HMGCLL1: variants seen among roughly 807,000 people sequenced by gnomAD.
HMGCLL1 encodes 3-hydroxy-3-methylglutaryl-CoA lyase like 1, also known as 3-hydroxymethyl-3-methylglutaryl-CoA lyase, cytoplasmic.
A neutral mutation model predicts 39.1 loss-of-function variants in HMGCLL1; 36 were observed. The observed-to-expected ratio is 0.92, with a 90% CI of 0.71 to 1.22. HMGCLL1 has a LOEUF of 1.22. Ranked by LOEUF, HMGCLL1 falls within the 50% of genes most tolerant of loss-of-function variation. HMGCLL1 has a pLI of 0.00. For missense variants in HMGCLL1, 451 were observed against 416.5 expected, an observed-to-expected ratio of 1.08 and a Z score of -0.72; for synonymous variants, 149 against 144.0, an observed-to-expected ratio of 1.03 and a Z score of -0.25.
intron 5 of HMGCLL1, among the ~76,000 whole-genome samples, chr6:55,510,087 T>C (rs1581876045): frequency 1.3e-5 from 2 of 152,116 alleles, no homozygotes; most frequent in East Asian, 3.9e-4. Context: ...CACAGATAAA[T>C]ATTTTAAAGT....
chr6:55,610,898 A>G, the HMGCLL1 span, among the ~76,000 whole-genome samples: 1 of 152,314 alleles, frequency 6.6e-6, no homozygotes, highest in East Asian at 1.9e-4. Context: ...CTTAAAAAAA[A>G]GAATTTTTCA....
At chr6:55,623,035 A>C in the HMGCLL1 span, among the ~76,000 whole-genome samples, 1 of 151,864 alleles carries the variant, frequency 6.6e-6, no homozygotes, top group Non-Finnish European at 1.5e-5. Flanking sequence ...TAGGATTTCC[A>C]ATTTATTGGT....
intron 3 of HMGCLL1, among the ~76,000 whole-genome samples, chr6:55,533,765 A>G (rs967096570): frequency 5.4e-5 from 8 of 149,212 alleles, no homozygotes; most frequent in African/African-American, 2.0e-4. Flanking sequence ...GGGCGCCTGT[A>G]GTCCCAGCTA....
At chr6:55,613,645 A>T in the HMGCLL1 span, among the ~76,000 whole-genome samples, 1 of 151,880 alleles carries the variant, frequency 6.6e-6, no homozygotes, top group South Asian at 2.1e-4. Context: ...ATTTAGCTGG[A>T]AGATAACATT....
the HMGCLL1 span, among the ~76,000 whole-genome samples, chr6:55,661,408 G>T: frequency 6.6e-6 from 1 of 151,846 alleles, no homozygotes; most frequent in Non-Finnish European, 1.5e-5. Flanking sequence ...GTAAAGAAGG[G>T]GTACAGTTTC....
intron 7 of HMGCLL1, among the ~76,000 whole-genome samples, chr6:55,440,976 T>C (rs1309048089): frequency 6.6e-6 from 1 of 152,142 alleles, no homozygotes; most frequent in Non-Finnish European, 1.5e-5. Context: ...TTCTCTATGG[T>C]TAACATCTGT....
the HMGCLL1 span, among the ~76,000 whole-genome samples, chr6:55,592,740 T>C: frequency 1.0e-3 from 159 of 152,186 alleles, no homozygotes; most frequent in African/African-American, 3.7e-3. Context: ...CTGAGCATTT[T>C]TCAAGTGCAG....
the HMGCLL1 span, among the ~76,000 whole-genome samples, chr6:55,613,991 AATATT>A: frequency 2.6e-5 from 4 of 152,214 alleles, no homozygotes; most frequent in African/African-American, 9.6e-5. Flanking sequence ...GAATAAAACT[AATATT>A]ATATTCTGAA....
chr6:55,648,552 T>G, the HMGCLL1 span, among the ~76,000 whole-genome samples: 4,854 of 64,608 alleles, frequency 0.075, 76 homozygotes, highest in East Asian at 0.12. Flanking sequence ...CAATCCCACA[T>G]AAATACAAAC....
chr6:55,663,116 T>TAA, the HMGCLL1 span, among the ~76,000 whole-genome samples: 2 of 150,544 alleles, frequency 1.3e-5, no homozygotes, highest in African/African-American at 4.9e-5. Context: ...TCTTATTAAT[T>TAA]AAAAAAAAAC....
chr6:55,619,585 A>T, the HMGCLL1 span, among the ~76,000 whole-genome samples: 1 of 152,242 alleles, frequency 6.6e-6, no homozygotes, highest in East Asian at 1.9e-4. Context: ...TGGTAGGTGT[A>T]TATATTTATG....
chr6:55,451,971 T>C (rs2127389416), intron 7 of HMGCLL1, among the ~76,000 whole-genome samples: 1 of 152,320 alleles, frequency 6.6e-6, no homozygotes, highest in Non-Finnish European at 1.5e-5. Context: ...ACCTTCAGCA[T>C]ATGGCATAAT....
At chr6:55,448,066 G>A (rs1763931825) in intron 7 of HMGCLL1, among the ~76,000 whole-genome samples, 1 of 152,056 alleles carries the variant, frequency 6.6e-6, no homozygotes, top group African/African-American at 2.4e-5. Flanking sequence ...AGCAACATTA[G>A]CAAACAACTT....
chr6:55,557,845 AC>A lies in HMGCLL1; in HGVS notation c.109-15706del, dbSNP rs539222773. Among the ~76,000 whole-genome samples the A allele has an allele frequency of 3.8e-3, 578 of 152,328 alleles. 1 individual carries two copies. Among genetic ancestry groups the A allele is most frequent in the Non-Finnish European group, 6.5e-3 (441 of 68,024 alleles). ...CGTATAGAGTACAGCTGGTGCCCGT[AC>A]TGTACTTAAAAGTGCTTCATGTACT... On this transcript the variant is annotated intron_variant, in intron 1 of 8. Transcript: ENST00000274901.
chr6:55,487,645 C>T (rs1399163834), intron 7 of HMGCLL1, among the ~76,000 whole-genome samples: 1 of 151,978 alleles, frequency 6.6e-6, no homozygotes. Flanking sequence ...TTTATGGCTG[C>T]ATAGTATTCC....
intron 7 of HMGCLL1, among the ~76,000 whole-genome samples, chr6:55,451,132 G>A (rs1416799955): frequency 6.6e-6 from 1 of 151,574 alleles, no homozygotes; most frequent in Non-Finnish European, 1.5e-5. Flanking sequence ...GGAAGAGAAT[G>A]AGAGAGACCA....
the HMGCLL1 span, among the ~76,000 whole-genome samples, chr6:55,633,046 G>A: frequency 6.6e-6 from 1 of 151,988 alleles, no homozygotes; most frequent in African/African-American, 2.4e-5. Flanking sequence ...TTTTTTACAT[G>A]GGATAAAAAT....
intron 7 of HMGCLL1, among the ~76,000 whole-genome samples, chr6:55,461,531 A>T (rs1199315083): frequency 3.3e-5 from 5 of 152,190 alleles, no homozygotes; most frequent in Admixed American, 2.6e-4. Context: ...ACTTGGAATA[A>T]GGTAAGAACA....
At chr6:55,560,589 C>T (rs9367641) in intron 1 of HMGCLL1, among the ~76,000 whole-genome samples, 64,787 of 151,828 alleles carry the variant, frequency 0.43, 13,874 homozygotes, top group East Asian at 0.55. Flanking sequence ...ATCCTAACAC[C>T]TTCATTTAAT....
Sources: gnomAD v4.1 joint callset for allele counts (sites outside exome capture counted in the v4.1 genomes callset) on GRCh38, gnomAD v4.1.1 for gene constraint, MANE v1.5 for transcripts, NCBI Gene and HGNC (gene_info 2026-07-23, HGNC 2026-07-21) for gene names.